CNTNAP2: variants seen among roughly 807,000 people sequenced by gnomAD.
CNTNAP2 encodes contactin associated protein 2.
In CNTNAP2, 98 loss-of-function variants were observed where a neutral mutation model predicts 155.2. The observed-to-expected ratio is 0.63, with a 90% CI of 0.54 to 0.75. CNTNAP2 has a LOEUF of 0.75. Among genes scored for constraint, CNTNAP2 ranks in the 30% least tolerant of loss-of-function variants. The probability of loss-of-function intolerance (pLI) is 0.00; values close to 1 mark genes in which losing one functional copy is unlikely to be tolerated. For synonymous variants in CNTNAP2, 651 were observed against 631.2 expected (o/e 1.03, Z -0.47); for missense variants, 1,727 against 1,688.1 (o/e 1.02, Z -0.40).
intron 9 of CNTNAP2, among the ~76,000 whole-genome samples, chr7:147,336,686 T>C (rs1297820956): frequency 1.3e-5 from 2 of 152,140 alleles, no homozygotes; most frequent in East Asian, 3.9e-4. Context: ...ATGATTAGAG[T>C]CCAGGACATT....
intron 1 of CNTNAP2, among the ~76,000 whole-genome samples, chr7:146,138,088 A>T (rs1485703141): frequency 6.6e-6 from 1 of 152,136 alleles, no homozygotes; most frequent in African/African-American, 2.4e-5. Context: ...ACATAATATA[A>T]GAAAAGCATC....
At chr7:148,104,175 T>C (rs1804159417) in intron 15 of CNTNAP2, among the ~76,000 whole-genome samples, 1 of 152,204 alleles carries the variant, frequency 6.6e-6, no homozygotes, top group Admixed American at 6.5e-5. Context: ...CTGAGACATG[T>C]GGACTCTGTT....
At chr7:146,443,887 A>G (rs1796363050) in intron 1 of CNTNAP2, among the ~76,000 whole-genome samples, 1 of 152,188 alleles carries the variant, frequency 6.6e-6, no homozygotes, top group Non-Finnish European at 1.5e-5. Flanking sequence ...AAGCAGAATT[A>G]CATAAGTATA....
intron 1 of CNTNAP2, among the ~76,000 whole-genome samples, chr7:146,342,556 CTAAT>C (rs544997495): frequency 6.8e-4 from 104 of 152,202 alleles, no homozygotes; most frequent in African/African-American, 2.1e-3. Context: ...AAATCTATCA[CTAAT>C]TAAGGGTAAA....
chr7:146,996,019 T>A (rs909585866), intron 3 of CNTNAP2, among the ~76,000 whole-genome samples: 3 of 152,144 alleles, frequency 2.0e-5, no homozygotes, highest in Non-Finnish European at 4.4e-5. Flanking sequence ...TTTGTTTTTT[T>A]TTAGCAGCTT....
At chr7:147,713,764 A>T (rs1207545214) in intron 13 of CNTNAP2, among the ~76,000 whole-genome samples, 1 of 152,152 alleles carries the variant, frequency 6.6e-6, no homozygotes, top group African/African-American at 2.4e-5. Flanking sequence ...CCAGCAATGA[A>T]TGACAGATCC....
At chr7:147,454,718 T>G (rs1797890889) in intron 10 of CNTNAP2, among the ~76,000 whole-genome samples, 1 of 151,798 alleles carries the variant, frequency 6.6e-6, no homozygotes, top group Admixed American at 6.6e-5. Flanking sequence ...TCAAGACGCC[T>G]TAGCCTTTCT....
intron 8 of CNTNAP2, among the ~76,000 whole-genome samples, chr7:147,267,982 G>C (rs1329515678): frequency 6.6e-6 from 1 of 152,072 alleles, no homozygotes; most frequent in African/African-American, 2.4e-5. Context: ...GAGAAGCAGT[G>C]GAAGGTTCCT....
At chr7:146,593,466 T>C (rs563861075) in intron 1 of CNTNAP2, among the ~76,000 whole-genome samples, 30 of 152,202 alleles carry the variant, frequency 2.0e-4, no homozygotes, top group African/African-American at 7.2e-4. Flanking sequence ...CTTAGCCCCG[T>C]TCTTAAATTC....
chr7:147,077,644 T>A (rs1158750378), intron 4 of CNTNAP2, among the ~76,000 whole-genome samples: 1 of 151,716 alleles, frequency 6.6e-6, no homozygotes, highest in East Asian at 1.9e-4. Context: ...CCCAGTGGAG[T>A]GGTTGAGTAC....
chr7:147,278,639 T>C (rs1267516643), intron 8 of CNTNAP2, among the ~76,000 whole-genome samples: 1 of 151,668 alleles, frequency 6.6e-6, no homozygotes, highest in Non-Finnish European at 1.5e-5. Flanking sequence ...TCACAGTACA[T>C]TTTGTGAAGT....
intron 21 of CNTNAP2, among the ~76,000 whole-genome samples, chr7:148,282,753 C>CA (rs772166435): frequency 4.0e-5 from 6 of 151,528 alleles, no homozygotes; most frequent in Admixed American, 1.3e-4. Context: ...CAACCCCCAC[C>CA]AAAAAAAATC....
intron 1 of CNTNAP2, among the ~76,000 whole-genome samples, chr7:146,324,923 A>G (rs945927471): frequency 6.6e-6 from 1 of 152,142 alleles, no homozygotes; most frequent in Admixed American, 6.6e-5. Context: ...AATAAAACAA[A>G]ATAGTAAAAA....
chr7:147,867,305 G>A (rs1799248456), intron 13 of CNTNAP2, among the ~76,000 whole-genome samples: 1 of 152,180 alleles, frequency 6.6e-6, no homozygotes, highest in Admixed American at 6.5e-5. Context: ...TTGGGTTTCT[G>A]CTGAGAGATC....
intron 13 of CNTNAP2, among the ~76,000 whole-genome samples, chr7:147,725,613 G>C (rs958165513): frequency 6.6e-6 from 1 of 152,030 alleles, no homozygotes; most frequent in African/African-American, 2.4e-5. Context: ...TTTGAACAAG[G>C]GAGGAAGAAG....
intron 1 of CNTNAP2, among the ~76,000 whole-genome samples, chr7:146,490,014 G>T (rs371837371): frequency 1.3e-5 from 2 of 152,102 alleles, no homozygotes; most frequent in African/African-American, 4.8e-5. Flanking sequence ...AGAAGAAAGC[G>T]CATCAAATGG....
intron 9 of CNTNAP2, among the ~76,000 whole-genome samples, chr7:147,311,907 CT>C (rs1795134960): frequency 6.6e-6 from 1 of 152,016 alleles, no homozygotes; most frequent in Non-Finnish European, 1.5e-5. Flanking sequence ...CTTATTTTGT[CT>C]GCTTGCCTGT....
At chr7:147,871,840 A>T (rs1799332896) in intron 13 of CNTNAP2, among the ~76,000 whole-genome samples, 1 of 152,156 alleles carries the variant, frequency 6.6e-6, no homozygotes, top group Non-Finnish European at 1.5e-5. Context: ...CTCCTCTCAC[A>T]TCTGCTTCAA....
At chr7:147,123,836 T>C (rs370351405) in intron 6 of CNTNAP2, among the ~76,000 whole-genome samples, 1 of 151,692 alleles carries the variant, frequency 6.6e-6, no homozygotes, top group African/African-American at 2.4e-5. Flanking sequence ...TGCTCAGGAG[T>C]TTAAGACCAG....
Sources: allele counts gnomAD v4.1 joint callset (sites outside exome capture counted in the v4.1 genomes callset), GRCh38; gene constraint gnomAD v4.1.1; transcripts MANE v1.5; gene names NCBI Gene and HGNC (gene_info 2026-07-23, HGNC 2026-07-21).